Variants in PDE1A observed in about 807,000 individuals in gnomAD.
The protein encoded by PDE1A is phosphodiesterase 1A, also known as dual specificity calcium/calmodulin-dependent 3',5'-cyclic nucleotide phosphodiesterase 1A.
In PDE1A, 35 loss-of-function variants were observed where a neutral mutation model predicts 61.7. The ratio of observed to expected loss-of-function variants is 0.57; its 90% CI spans 0.43 to 0.75. PDE1A has a LOEUF of 0.75. Ranked by LOEUF, PDE1A falls within the 30% of genes least tolerant of loss-of-function variation. The pLI, the probability that PDE1A is intolerant of heterozygous loss-of-function variation, is 0.00. For missense variants in PDE1A, 597 were observed against 630.6 expected, an observed-to-expected ratio of 0.95 and a Z score of 0.57; for synonymous variants, 232 against 213.2, an observed-to-expected ratio of 1.09 and a Z score of -0.77.
chr2:182,246,862 G>T (rs7571503), intron 2 of PDE1A, among the ~76,000 whole-genome samples: 109,170 of 152,082 alleles, frequency 0.72, 39,756 homozygotes, highest in African/African-American at 0.84. Flanking sequence ...GTACACTGCT[G>T]TATCATCAGC....
the PDE1A span, among the ~76,000 whole-genome samples, chr2:182,584,740 T>C: frequency 6.6e-6 from 1 of 152,150 alleles, no homozygotes; most frequent in Middle Eastern, 3.2e-3. Context: ...CACTTGTGGT[T>C]GAGGCTCACC....
chr2:182,625,065 T>C, the PDE1A span, among the ~76,000 whole-genome samples: 41 of 152,228 alleles, frequency 2.7e-4, no homozygotes, highest in Non-Finnish European at 5.0e-4. Context: ...AGAACACTTA[T>C]GATGGGATTA....
chr2:182,319,653 A>G (rs574965743), intron 1 of PDE1A, among the ~76,000 whole-genome samples: 1 of 152,274 alleles, frequency 6.6e-6, no homozygotes, highest in South Asian at 2.1e-4. Context: ...TAGAAGTAAG[A>G]AGTATGTTTA....
At chr2:182,487,157 T>A (rs545389322) in intron 2 of PDE1A, among the ~76,000 whole-genome samples, 1 of 152,096 alleles carries the variant, frequency 6.6e-6, no homozygotes, top group Non-Finnish European at 1.5e-5. Context: ...AATAAGCACA[T>A]GAAAAGATGT....
At chr2:182,676,511 C>A in the PDE1A span, among the ~76,000 whole-genome samples, 1 of 151,892 alleles carries the variant, frequency 6.6e-6, no homozygotes, top group Admixed American at 6.6e-5. Context: ...TGGTACCATA[C>A]CTACTAAAAT....
intron 2 of PDE1A, among the ~76,000 whole-genome samples, chr2:182,453,611 A>G (rs972538759): frequency 5.3e-5 from 8 of 152,174 alleles, no homozygotes; most frequent in Admixed American, 2.0e-4. Flanking sequence ...GGCTGGGTCA[A>G]CATATGAAAA....
At chr2:182,358,936 T>C (rs71427841) in intron 1 of PDE1A, among the ~76,000 whole-genome samples, 11,290 of 152,124 alleles carry the variant, frequency 0.074, 530 homozygotes, top group Non-Finnish European at 0.11. Context: ...TCCTTTCATC[T>C]TCCTTCCATT....
intron 1 of PDE1A, among the ~76,000 whole-genome samples, chr2:182,395,488 G>A (rs970090287): frequency 2.0e-5 from 3 of 152,172 alleles, no homozygotes; most frequent in Admixed American, 2.0e-4. Context: ...CCAGTGGTGT[G>A]GGGCACGTTG....
At chr2:182,403,042 T>C (rs1223496750) in intron 1 of PDE1A, among the ~76,000 whole-genome samples, 1 of 149,402 alleles carries the variant, frequency 6.7e-6, no homozygotes, top group Non-Finnish European at 1.5e-5. Flanking sequence ...GGAGAGGATA[T>C]GGAGAAATAG....
chr2:182,357,247 CAG>C (rs1186020911), intron 1 of PDE1A, among the ~76,000 whole-genome samples: 27 of 145,846 alleles, frequency 1.9e-4, no homozygotes, highest in South Asian at 2.2e-4. Context: ...CAATGAACTA[CAG>C]AGAGAGAGAG....
At chr2:182,670,663 A>G in the PDE1A span, among the ~76,000 whole-genome samples, 1 of 152,176 alleles carries the variant, frequency 6.6e-6, no homozygotes, top group African/African-American at 2.4e-5. Flanking sequence ...TATTTAGCCA[A>G]ATGGTCCTGG....
intron 1 of PDE1A, among the ~76,000 whole-genome samples, chr2:182,397,368 C>G (rs1478751681): frequency 6.6e-6 from 1 of 151,980 alleles, no homozygotes; most frequent in Non-Finnish European, 1.5e-5. Context: ...GTCATGATTG[C>G]CATATCCCCA....
chr2:182,465,696 A>G (rs1686613893), intron 2 of PDE1A, among the ~76,000 whole-genome samples: 1 of 152,080 alleles, frequency 6.6e-6, no homozygotes, highest in African/African-American at 2.4e-5. Context: ...TACTGACTTC[A>G]CGTCTGCTGA....
At chr2:182,500,909 T>A (rs1290921963) in intron 2 of PDE1A, among the ~76,000 whole-genome samples, 2 of 152,070 alleles carry the variant, frequency 1.3e-5, no homozygotes, top group Admixed American at 1.3e-4. Flanking sequence ...TTGTAGTTAG[T>A]GAATAGCAGT....
At chr2:182,250,334 G>T (rs1379232751) in intron 2 of PDE1A, among the ~76,000 whole-genome samples, 1 of 152,108 alleles carries the variant, frequency 6.6e-6, no homozygotes, top group Non-Finnish European at 1.5e-5. Context: ...AATATATCTG[G>T]ATGACAAAAT....
At chr2:182,387,996 C>T (rs1701216043) in intron 1 of PDE1A, among the ~76,000 whole-genome samples, 1 of 151,954 alleles carries the variant, frequency 6.6e-6, no homozygotes, top group South Asian at 2.1e-4. Flanking sequence ...AAAAGATATT[C>T]CATGGAAATA....
intron 2 of PDE1A, among the ~76,000 whole-genome samples, chr2:182,244,969 C>A (rs1369934897): frequency 6.6e-6 from 1 of 152,200 alleles, no homozygotes; most frequent in African/African-American, 2.4e-5. Context: ...AGCCCAGTTA[C>A]AACAATGGCC....
the PDE1A span, among the ~76,000 whole-genome samples, chr2:182,669,355 CA>C: frequency 6.6e-6 from 1 of 152,302 alleles, no homozygotes; most frequent in African/African-American, 2.4e-5. Context: ...ATTGTTTTGA[CA>C]AAGTCAAAGA....
chr2:182,708,002 G>A, the PDE1A span, among the ~76,000 whole-genome samples: 4 of 152,226 alleles, frequency 2.6e-5, no homozygotes, highest in South Asian at 8.3e-4. Context: ...ATAACTGGAA[G>A]AGAAGATTTT....
Sources: gnomAD v4.1 joint callset for allele counts (sites outside exome capture counted in the v4.1 genomes callset) on GRCh38, gnomAD v4.1.1 for gene constraint, MANE v1.5 for transcripts, NCBI Gene and HGNC (gene_info 2026-07-23, HGNC 2026-07-21) for gene names.